THEM4: variants seen among roughly 807,000 people sequenced by gnomAD.
THEM4 encodes acyl-coenzyme A thioesterase THEM4.
Under a neutral mutation model 25.0 loss-of-function variants are expected in THEM4, and 22 were observed. The ratio of observed to expected loss-of-function variants is 0.88; its 90% CI spans 0.63 to 1.26. THEM4 has a LOEUF of 1.26. THEM4 is among the 50% of genes most tolerant of loss of function. The pLI is 0.00. For missense variants in THEM4, 286 were observed against 300.3 expected, an observed-to-expected ratio of 0.95 and a Z score of 0.35; for synonymous variants, 113 against 105.6, an observed-to-expected ratio of 1.07 and a Z score of -0.43.
intron 1 of THEM4, among the ~76,000 whole-genome samples, chr1:151,904,166 G>A (rs140534749): frequency 5.3e-4 from 81 of 152,216 alleles, no homozygotes; most frequent in Non-Finnish European, 8.1e-4. Flanking sequence ...TGAAATAAAC[G>A]TATCACATTG....
intron 4 of THEM4, among the ~76,000 whole-genome samples, chr1:151,879,659 C>CTTTTTT (rs60809136): frequency 3.7e-5 from 5 of 135,412 alleles, no homozygotes; most frequent in Non-Finnish European, 4.8e-5. Flanking sequence ...CTTTTCTTTT[C>CTTTTTT]TTTTTTTTTT....
rs1653554763 is a variant in THEM4 at position 151,871,559 on chromosome 1, G to C, written c.*3329C>G. ...CAGGGCATGGTGAAGGCTAGGAATAGTCTGCTGCAAAGCAGGGAAGCCATT... is the reference window on the plus strand; with the variant it reads ...CAGGGCATGGTGAAGGCTAGGAATACTCTGCTGCAAAGCAGGGAAGCCATT... On this transcript the variant is annotated 3_prime_UTR_variant, in exon 6 of 6. Coordinates refer to ENST00000368814, the MANE Select transcript of THEM4 (RefSeq NM_053055.5). Among the ~76,000 whole-genome samples, 2 of 152,216 alleles carry C rather than the reference G, an allele frequency of 1.3e-5. No individual in the cohort carries two copies.
chr1:151,875,466 T>C (rs1653651142), intron 5 of THEM4, among the ~76,000 whole-genome samples: 1 of 152,146 alleles, frequency 6.6e-6, no homozygotes, highest in Non-Finnish European at 1.5e-5. Flanking sequence ...ATAAAGAAGA[T>C]ACCTTAAAGC....
At chr1:151,903,854 G>C (rs1654403708) in intron 1 of THEM4, among the ~76,000 whole-genome samples, 1 of 152,144 alleles carries the variant, frequency 6.6e-6, no homozygotes, top group Non-Finnish European at 1.5e-5. Flanking sequence ...CCTTAACTGT[G>C]GGTTCTCCTG....
chr1:151,875,072 C>A, intron 5 of THEM4, 144 bp from the exon 6 acceptor site: 1 of 722,804 alleles, frequency 1.4e-6, no homozygotes, highest in Non-Finnish European at 2.4e-6. Context: ...ATTTTTCAGC[C>A]AAATTAAGAA....
intron 4 of THEM4, among the ~76,000 whole-genome samples, chr1:151,884,062 G>A (rs980372633): frequency 2.7e-5 from 4 of 150,572 alleles, no homozygotes; most frequent in African/African-American, 9.8e-5. Flanking sequence ...GTGGCAGAGT[G>A]AGACTCTGTC....
At chr1:151,895,784 G>T (rs11803464) in intron 1 of THEM4, among the ~76,000 whole-genome samples, 88 of 152,182 alleles carry the variant, frequency 5.8e-4, no homozygotes, top group Middle Eastern at 3.4e-3. Flanking sequence ...CTGGTGGGAG[G>T]TGAATGGATC....
At chr1:151,891,305 G>A (rs1344011365) in intron 2 of THEM4, 1 of 152,226 alleles carries the variant, frequency 6.6e-6, no homozygotes, top group East Asian at 1.9e-4. Flanking sequence ...TCTGACAGTT[G>A]AGTGGAAGAA....
At chr1:151,901,744 G>A (rs1036180102) in intron 1 of THEM4, among the ~76,000 whole-genome samples, 8 of 152,292 alleles carry the variant, frequency 5.3e-5, no homozygotes, top group Admixed American at 1.3e-4. Flanking sequence ...TCAGGAGACC[G>A]AGGCAGGAGA....
chr1:151,882,264 G>A (rs572813343), intron 4 of THEM4, among the ~76,000 whole-genome samples: 2 of 151,390 alleles, frequency 1.3e-5, no homozygotes, highest in African/African-American at 2.4e-5. Context: ...TAATGTCAGC[G>A]ACTCAGGAGG....
chr1:151,891,284 T>C (rs964271849), intron 2 of THEM4: 1 of 152,228 alleles, frequency 6.6e-6, no homozygotes, highest in Admixed American at 6.5e-5. Flanking sequence ...GAGATTTGCA[T>C]TTTGAATCAT....
chr1:151,887,634 GTTTTTGTTGTTGTTGTTTT>G (rs1193467156), intron 4 of THEM4, among the ~76,000 whole-genome samples: 1 of 151,770 alleles, frequency 6.6e-6, no homozygotes, highest in Non-Finnish European at 1.5e-5. Flanking sequence ...GTGTGTGTGT[GTTTTTGTTGTTGTTGTTTT>G]TTTTACAGTT....
intron 1 of THEM4, among the ~76,000 whole-genome samples, chr1:151,903,054 T>C (rs1572083668): frequency 6.6e-6 from 1 of 152,114 alleles, no homozygotes. Flanking sequence ...AAGTCCTGAC[T>C]TTGGAGTATC....
intron 1 of THEM4, among the ~76,000 whole-genome samples, chr1:151,906,289 T>C (rs1190984043): frequency 6.6e-6 from 1 of 152,232 alleles, no homozygotes; most frequent in Non-Finnish European, 1.5e-5. Flanking sequence ...GGCCAGTGGC[T>C]GCAGAGGGTG....
chr1:151,899,193 T>C (rs927611451), intron 1 of THEM4, among the ~76,000 whole-genome samples: 13 of 152,214 alleles, frequency 8.5e-5, no homozygotes, highest in African/African-American at 1.4e-4. Flanking sequence ...CAAAAAATGA[T>C]ACAAGAAGTG....
At chr1:151,890,407 CT>C (rs1259327508) in intron 2 of THEM4, 16 of 216,408 alleles carry the variant, frequency 7.4e-5, no homozygotes, top group Non-Finnish European at 1.4e-4. Flanking sequence ...TGCATTTATC[CT>C]TTTGTATCTA....
At chr1:151,898,724 T>G (rs945103778) in intron 1 of THEM4, among the ~76,000 whole-genome samples, 1 of 152,216 alleles carries the variant, frequency 6.6e-6, no homozygotes, top group Non-Finnish European at 1.5e-5. Flanking sequence ...CTGGTATTCA[T>G]GGCTGGGAGA....
chr1:151,884,448 C>T (rs1362018580), intron 4 of THEM4, among the ~76,000 whole-genome samples: 1 of 152,138 alleles, frequency 6.6e-6, no homozygotes, highest in Non-Finnish European at 1.5e-5. Context: ...ATAGACTGCC[C>T]ACAAGGCGGG....
At chr1:151,900,553 AC>A (rs1313359237) in intron 1 of THEM4, among the ~76,000 whole-genome samples, 1 of 152,208 alleles carries the variant, frequency 6.6e-6, no homozygotes, top group Non-Finnish European at 1.5e-5. Context: ...GACAAAACAA[AC>A]TTTAAAGCAA....
Sources: allele counts gnomAD v4.1 joint callset (sites outside exome capture counted in the v4.1 genomes callset), GRCh38; gene constraint gnomAD v4.1.1; transcripts MANE v1.5; gene names NCBI Gene and HGNC (gene_info 2026-07-23, HGNC 2026-07-21).